The following HTR3B variants were observed in gnomAD, a reference collection of about 807,000 sequenced individuals.
HTR3B encodes the protein 5-hydroxytryptamine (serotonin) receptor 3B, ionotropic.
HTR3B carries 44 observed loss-of-function variants against 42.8 expected under a neutral mutation model. The observed-to-expected ratio is 1.03, with a 90% CI of 0.81 to 1.32. The LOEUF is 1.32. Among genes scored for constraint, HTR3B ranks in the 40% most tolerant of loss-of-function variants. HTR3B has a pLI of 0.00. For missense variants in HTR3B, 527 were observed against 536.5 expected (o/e 0.98, Z 0.17); for synonymous variants, 203 against 209.0 (o/e 0.97, Z 0.25).
At chr11:113,925,321 T>C (rs951271900) in intron 2 of HTR3B, among the ~76,000 whole-genome samples, 10 of 152,146 alleles carry the variant, frequency 6.6e-5, no homozygotes, top group African/African-American at 2.4e-4. Flanking sequence ...TTTACTGAAA[T>C]TTGGTATTGT....
At chr11:113,911,227 C>T (rs1949789703) in intron 2 of HTR3B, among the ~76,000 whole-genome samples, 1 of 151,828 alleles carries the variant, frequency 6.6e-6, no homozygotes, top group Non-Finnish European at 1.5e-5. Flanking sequence ...ACCCATATAA[C>T]ATTTATTTAT....
chr11:113,916,336 A>G (rs1339267782), intron 2 of HTR3B, among the ~76,000 whole-genome samples: 1 of 152,042 alleles, frequency 6.6e-6, no homozygotes, highest in Non-Finnish European at 1.5e-5. Context: ...TTATTATTTT[A>G]TTATCAGGTT....
At chr11:113,912,688 C>T (rs1949809097) in intron 2 of HTR3B, among the ~76,000 whole-genome samples, 1 of 152,204 alleles carries the variant, frequency 6.6e-6, no homozygotes, top group Non-Finnish European at 1.5e-5. Context: ...CCTATTGCTA[C>T]ACATCCCTGC....
rs79078098 is a variant in HTR3B, at chr11:113,907,856, A to G, written c.53-1439A>G. On this transcript the variant is annotated intron_variant, in intron 1 of 8. Coordinates refer to ENST00000260191, the MANE Select transcript of HTR3B (RefSeq NM_006028.5). ...GGTAAACGTGAAGCTGCCCACAGCA[A>G]AGTTGGCAGGAAAAGCACTGGGACA... Among the ~76,000 whole-genome samples, 261 of 152,308 alleles carry G rather than the reference A, an allele frequency of 1.7e-3. 3 individuals carry two copies. In the East Asian group the frequency reaches 0.029, roughly 17 times the overall value.
At chr11:113,911,264 TC>T (rs1159802736) in intron 2 of HTR3B, among the ~76,000 whole-genome samples, 2 of 152,200 alleles carry the variant, frequency 1.3e-5, no homozygotes, top group African/African-American at 2.4e-5. Flanking sequence ...AGAGTCTGGC[TC>T]TGTCACCCAG....
chr11:113,903,106 A>C (rs1055247900), upstream of HTR3B, among the ~76,000 whole-genome samples: 1 of 152,108 alleles, frequency 6.6e-6, no homozygotes, highest in African/African-American at 2.4e-5. Flanking sequence ...CCTGGGCTCA[A>C]GCAGTCCTCT....
intron 2 of HTR3B, among the ~76,000 whole-genome samples, chr11:113,929,889 C>T (rs1468501320): frequency 2.0e-5 from 3 of 152,050 alleles, no homozygotes; most frequent in East Asian, 3.9e-4. Context: ...CCCACGACCA[C>T]GCCCGGCTAA....
intron 1 of HTR3B, among the ~76,000 whole-genome samples, chr11:113,906,385 G>A (rs1949734792): frequency 6.6e-6 from 1 of 152,194 alleles, no homozygotes; most frequent in Non-Finnish European, 1.5e-5. Context: ...CACCAGCCAC[G>A]TAACCCTGGG....
intron 6 of HTR3B, among the ~76,000 whole-genome samples, chr11:113,934,839 CATT>C (rs1203909169): frequency 6.6e-6 from 1 of 151,118 alleles, no homozygotes; most frequent in African/African-American, 2.4e-5. Flanking sequence ...AGCCCACAAA[CATT>C]ATTAATGCAG....
At position 113,921,969 on chromosome 11, in the gene HTR3B, G is replaced by A. The variant is rs114305540; in HGVS notation, c.214-9415G>A. Among the ~76,000 whole-genome samples, 392 of 152,184 alleles carry A rather than the reference G, an allele frequency of 2.6e-3. 3 individuals carry two copies. The highest frequency in any genetic ancestry group is 8.1e-3 in the African/African-American group (337 of 41,532). On this transcript the variant is annotated intron_variant, in intron 2 of 8. Transcript: ENST00000260191. ...ATTCTGTCCCTCTAGTTTTATCCCT[G>A]TCTACCATCTTACATTATCTTCTCC...
chr11:113,920,512 A>T (rs534106973), intron 2 of HTR3B, among the ~76,000 whole-genome samples: 39 of 152,152 alleles, frequency 2.6e-4, no homozygotes, highest in Middle Eastern at 6.8e-3. Flanking sequence ...AGTAGCTAGG[A>T]TTACAGGCAC....
chr11:113,946,032 C>T lies in HTR3B; in HGVS notation c.1221C>T (p.Val407=). The T allele has an allele frequency of 6.2e-7, 1 of 1,613,982 alleles. No homozygotes were observed. The highest frequency in any genetic ancestry group is 1.1e-5 in the South Asian group (1 of 91,074). The change falls in exon 9 of 9, where the codon GTC becomes GTT. Residue 407 remains valine (V), a synonymous_variant. Coordinates refer to ENST00000260191, the MANE Select transcript of HTR3B (RefSeq NM_006028.5). ...ACCAACAGGAGGCAGAGTGGCTGGTCCTCCTGTCCCGCTTTGACCGACTGC... is the reference window on the plus strand; with the variant it reads ...ACCAACAGGAGGCAGAGTGGCTGGTTCTCCTGTCCCGCTTTGACCGACTGC... The part of the protein sequence containing the change: ...QTDQQEAEWL[V]LLSRFDRLLF...
At position 113,922,149 on chromosome 11, in the gene HTR3B, T is replaced by A. The variant is rs201159067; in HGVS notation, c.214-9235T>A. Among the ~76,000 whole-genome samples the A allele has an allele frequency of 2.8e-4, 43 of 152,310 alleles. No homozygotes were observed. In the East Asian group the frequency reaches 8.3e-3, roughly 29 times the overall value. On this transcript the variant is annotated intron_variant, in intron 2 of 8. Transcript: ENST00000260191. ...TCTCAGCTCTTAAAATAAATTTTCC[T>A]CATTTCTCCAAGGTAAGAGCACTTC...
At position 113,946,048 on chromosome 11, in the gene HTR3B, G is replaced by A; in HGVS notation, c.1237G>A (p.Asp413Asn). The change falls in exon 9 of 9, where the codon GAC (aspartate) becomes AAC (asparagine). Residue 413 changes from aspartate to asparagine, a missense_variant. Transcript: ENST00000260191. ...GTGGCTGGTCCTCCTGTCCCGCTTT[G>A]ACCGACTGCTCTTCCAAAGCTACCT... ...AEWLVLLSRFDRLLFQSYLFM... is the reference protein window; with the variant it reads ...AEWLVLLSRFNRLLFQSYLFM... 1 of 1,614,000 alleles carries A rather than the reference G, an allele frequency of 6.2e-7. No individual in the cohort carries two copies. Among genetic ancestry groups the A allele is most frequent in the Middle Eastern group, 1.6e-4 (1 of 6,062 alleles).
At chr11:113,921,372 C>T (rs1949910469) in intron 2 of HTR3B, among the ~76,000 whole-genome samples, 1 of 151,902 alleles carries the variant, frequency 6.6e-6, no homozygotes. Context: ...TCTTGAACTC[C>T]TGACCTTGTG....
At chr11:113,902,077 C>T (rs529877742), upstream of HTR3B, among the ~76,000 whole-genome samples, 1 of 152,300 alleles carries the variant, frequency 6.6e-6, no homozygotes, top group East Asian at 1.9e-4. Context: ...CCCCATTTAT[C>T]TGCCCACCCT....
Position 113,919,704 on chromosome 11 carries a change from C to T in HTR3B, c.213+10249C>T, listed in dbSNP as rs551841992. Among the ~76,000 whole-genome samples, 8 of 151,764 alleles carry T rather than the reference C, an allele frequency of 5.3e-5. No individual in the cohort carries two copies. The South Asian group carries it at 1.2e-3, about 24-fold the overall frequency. ...TTAGCCGGGCATGGTGGCACATGCT[C>T]GTAATCCCAGCTACTTGGGAGACCG... On this transcript the variant is annotated intron_variant, in intron 2 of 8. Coordinates refer to ENST00000260191, the MANE Select transcript of HTR3B (RefSeq NM_006028.5).
intron 1 of HTR3B, 34 bp downstream of exon 1, chr11:113,905,019 G>T: frequency 6.8e-7 from 1 of 1,460,828 alleles, no homozygotes; most frequent in South Asian, 1.1e-5. Context: ...TAGGCATTAA[G>T]GATTAACTCT....
intron 2 of HTR3B, among the ~76,000 whole-genome samples, chr11:113,923,107 T>G (rs1186782863): frequency 2.0e-5 from 3 of 152,172 alleles, no homozygotes; most frequent in Admixed American, 6.5e-5. Context: ...AATGTCTCTA[T>G]TGCATGTAGG....
Sources: allele counts gnomAD v4.1 joint callset (sites outside exome capture counted in the v4.1 genomes callset), GRCh38; gene constraint gnomAD v4.1.1; transcripts MANE v1.5; gene names NCBI Gene and HGNC (gene_info 2026-07-23, HGNC 2026-07-21).